CCAR2: variants seen among roughly 807,000 people sequenced by gnomAD.
CCAR2 encodes cell cycle and apoptosis regulator 2.
In CCAR2, 21 loss-of-function variants were observed where a neutral mutation model predicts 108.1. That is an observed-to-expected ratio of 0.19 (90% CI 0.14 to 0.28). The LOEUF (loss-of-function observed/expected upper bound fraction) is 0.28, where lower values mean the gene tolerates loss of function less well. CCAR2 is among the 10% of genes least tolerant of loss of function. CCAR2 has a pLI of 1.00. For synonymous variants in CCAR2, 577 were observed against 472.8 expected, an observed-to-expected ratio of 1.22 and a Z score of -2.86; for missense variants, 1,126 against 1,177.0, an observed-to-expected ratio of 0.96 and a Z score of 0.63.
rs986345172 is a variant in CCAR2, at chr8:22,619,742, C to T, written c.*60C>T. ...GCGGTGGCGCCCGGCAAAGTTGGAG[C>T]CCTTGCGGTACCAGAAAGCAGCGAG... On this transcript the variant is annotated 3_prime_UTR_variant, in exon 21 of 21. Coordinates refer to ENST00000308511, the MANE Select transcript of CCAR2 (RefSeq NM_001393997.1). 3 of 1,525,478 alleles carry T rather than the reference C, an allele frequency of 2.0e-6. No individual in the cohort carries two copies. Among genetic ancestry groups the T allele is most frequent in the African/African-American group, 1.4e-5 (1 of 72,654 alleles). The allele number at this position is 1,525,478 out of a possible 1,614,324, so 94.5% of individuals were successfully genotyped here.
rs11555543 is a variant in CCAR2, at chr8:22,604,833, T to G, written c.-48T>G. ...CTTTGTCCCCCCGGTGTCGCTGCCC[T>G]GGCCCGCAGGTGGGTTGGGGGGCCC... On this transcript the variant is annotated 5_prime_UTR_variant, in exon 1 of 21. Coordinates refer to ENST00000308511, the MANE Select transcript of CCAR2 (RefSeq NM_001393997.1). 0.027 allele frequency: 12,187 copies of G among 454,258 alleles called. 281 individuals carry two copies. Among genetic ancestry groups the G allele is most frequent in the Non-Finnish European group, 0.035 (8,022 of 226,496 alleles). 28.1% of individuals were successfully genotyped at this position (454,258 alleles called of 1,614,324 possible). A position where few individuals can be genotyped will look rare whatever the true frequency, so the allele number is the denominator to read the frequency against.
rs201630918 is a variant in CCAR2 at position 22,619,363 on chromosome 8, G to T, written c.2727+8G>T. ...CAGCGGGTGGTGGAAAAGGTAAGGT[G>T]GGGGTGGACCAGGAGGCAGCACAGC... On this transcript the variant is annotated splice_region_variant and intron_variant, in intron 20 of 20. Coordinates refer to ENST00000308511, the MANE Select transcript of CCAR2 (RefSeq NM_001393997.1). 31 of 1,554,482 alleles carry T rather than the reference G, an allele frequency of 2.0e-5. No homozygotes were observed. In the Admixed American group the frequency reaches 5.0e-4, roughly 25 times the overall value.
intron 6 of CCAR2, among the ~76,000 whole-genome samples, chr8:22,607,700 C>T (rs1226435939): frequency 6.6e-6 from 1 of 151,856 alleles, no homozygotes; most frequent in South Asian, 2.1e-4. Flanking sequence ...TCTCGGCTCA[C>T]TGCAAGCTCC....
At chr8:22,613,438 C>T (rs1238274813) in intron 8 of CCAR2, among the ~76,000 whole-genome samples, 1 of 149,588 alleles carries the variant, frequency 6.7e-6, no homozygotes, top group African/African-American at 2.5e-5. Context: ...TCTCCATTTG[C>T]ACTCTATCCT....
At position 22,618,441 on chromosome 8, in the gene CCAR2, G is replaced by C. The variant is rs200087292; in HGVS notation, c.2166G>C (p.Arg722=). 2 of 1,614,224 alleles carry C rather than the reference G, an allele frequency of 1.2e-6. No homozygotes were observed. Among genetic ancestry groups the C allele is most frequent in the Non-Finnish European group, 1.7e-6 (2 of 1,180,052 alleles). ...CCAACTGGTGTGGCTACTTGCACCG[G>C]CGAGACTTAGAGAGGATCCTCCTTA... ...FDANWCGYLH[R]RDLERILLTL... Residue 722 remains arginine, a synonymous_variant, in exon 17 of 21, where the codon CGG becomes CGC. Coordinates refer to ENST00000308511, the MANE Select transcript of CCAR2 (RefSeq NM_001393997.1).
In CCAR2 at chr8:22,615,829, G is replaced by C. The variant is rs746760715; in HGVS notation, c.1525G>C (p.Val509Leu). The change falls in exon 13 of 21, where the codon GTC (valine) becomes CTC (leucine). Residue 509 changes from valine (V) to leucine (L), a missense_variant. By Grantham distance (32) the Val-to-Leu change is conservative. This residue lies in a region of CCAR2 where 1,013 missense variants were observed against 993.9 expected (regional missense o/e 1.02). Transcript: ENST00000308511. ...EAPPPPLEPA[V>L]IARPGCVNLS... ...CCCTCCACCCCCCCTAGAACCTGCT[G>C]TCATCGCACGCCCTGGCTGTGTAAA... The C allele has an allele frequency of 1.2e-6, 2 of 1,613,986 alleles. No individual in the cohort carries two copies. Among genetic ancestry groups the C allele is most frequent in the South Asian group, 2.2e-5 (2 of 91,076 alleles).
At chr8:22,618,076 G>A (rs76172628) in intron 16 of CCAR2, 3 of 594,004 alleles carry the variant, frequency 5.1e-6, no homozygotes, top group Admixed American at 6.0e-5. Context: ...ATCAGGCAAG[G>A]TGCTTGATGT....
In CCAR2 at chr8:22,605,804, C is replaced by G. The variant is rs745901830; in HGVS notation, c.31C>G (p.Pro11Ala). MSQFKRQRIN[P>A]LPGGRNFSGT... ...CCAGTTTAAGCGCCAGCGGATCAAC[C>G]CGCTTCCAGGGGGACGCAACTTCTC... is the stretch of plus-strand genomic sequence containing the variant. Residue 11 changes from proline to alanine, a missense_variant, in exon 2 of 21, where the codon CCG (proline) becomes GCG (alanine). This residue lies in a region of CCAR2 where 52 missense variants were observed against 63.7 expected (regional missense o/e 0.82). Coordinates refer to ENST00000308511, the MANE Select transcript of CCAR2 (RefSeq NM_001393997.1). 1 of 1,614,082 alleles carries G rather than the reference C, an allele frequency of 6.2e-7. No individual in the cohort carries two copies.
At position 22,606,105 on chromosome 8, in the gene CCAR2, C is replaced by T; in HGVS notation, c.79C>T (p.Leu27=). ...NFSGTASTSL[L]GPPPGLLTPP... is the part of the protein sequence containing the mutation. ...CATAGGCACAGCTTCAACATCTCTT[C>T]TGGGCCCTCCTCCTGGTTTGCTCAC... The change falls in exon 3 of 21, where the codon CTG becomes TTG. Residue 27 remains leucine (L), a synonymous_variant. Transcript: ENST00000308511. 2 of 1,614,134 alleles carry T rather than the reference C, an allele frequency of 1.2e-6. No individual in the cohort carries two copies. Among genetic ancestry groups the T allele is most frequent in the Middle Eastern group, 1.6e-4 (1 of 6,062 alleles).
At chr8:22,610,501 C>T (rs576082156) in intron 7 of CCAR2, among the ~76,000 whole-genome samples, 2 of 152,328 alleles carry the variant, frequency 1.3e-5, no homozygotes, top group South Asian at 2.1e-4. Flanking sequence ...CAGTGTACAG[C>T]GTTGAGTGGA....
Position 22,618,490 on chromosome 8 carries a change from G to A in CCAR2, c.2215G>A (p.Glu739Lys). 2 of 1,614,216 alleles carry A rather than the reference G, an allele frequency of 1.2e-6. No individual in the cohort carries two copies. The highest frequency in any genetic ancestry group is 3.3e-5 in the Admixed American group (2 of 60,024). ...LLTLGIRLSAEQAKQLVSRVV... is the reference protein window; with the variant it reads ...LLTLGIRLSAKQAKQLVSRVV... Reference sequence around the variant, plus strand: ...TACCCTTGGGATCCGGCTCAGTGCAGAGCAGGTACCTTCTTTCCTCTGCCC... The same window carrying A: ...TACCCTTGGGATCCGGCTCAGTGCAAAGCAGGTACCTTCTTTCCTCTGCCC... The change falls in exon 17 of 21, where the codon GAG becomes AAG. Residue 739 changes from glutamate (E) to lysine (K), a missense_variant. This residue lies in a region of CCAR2 where 1,013 missense variants were observed against 993.9 expected (regional missense o/e 1.02). Transcript: ENST00000308511.
intron 3 of CCAR2, 57 bp from the exon 4 acceptor site, chr8:22,606,550 G>C (rs1458315324): frequency 7.3e-7 from 1 of 1,375,540 alleles, no homozygotes; most frequent in East Asian, 2.3e-5. Context: ...TCATGGCAGA[G>C]TGTGATTTTG....
Position 22,607,030 on chromosome 8 carries a change from C to A in CCAR2, c.357+6C>A. ...TGCAAACGCTCTCCAACCAGGTATTCATATCTCCTTAGCATGTGCATTGGA... is the reference window on the plus strand; with the variant it reads ...TGCAAACGCTCTCCAACCAGGTATTAATATCTCCTTAGCATGTGCATTGGA... On this transcript the variant is annotated splice_donor_region_variant and intron_variant, in intron 5 of 20. Coordinates refer to ENST00000308511, the MANE Select transcript of CCAR2 (RefSeq NM_001393997.1). 6.2e-7 allele frequency: 1 copy of A among 1,613,644 alleles called. No homozygotes were observed. Among genetic ancestry groups the A allele is most frequent in the South Asian group, 1.1e-5 (1 of 90,998 alleles).
In CCAR2 at chr8:22,616,003, C is replaced by A. The variant is rs1037492461; in HGVS notation, c.1609-9C>A. On this transcript the variant is annotated splice_polypyrimidine_tract_variant and intron_variant, in intron 13 of 20. Transcript: ENST00000308511. ...CTGATGCTCATGGACCCTCCCACCT[C>A]CCCATCAGGTGATGGTGCTGGCCGA... 1.9e-6 allele frequency: 3 copies of A among 1,613,734 alleles called. No homozygotes were observed. In the African/African-American group the frequency reaches 4.0e-5, roughly 22 times the overall value.
chr8:22,617,282 C>CATGAAATGAGACGGTATCTGTA, intron 14 of CCAR2, 138 bp from the exon 15 acceptor site: 1 of 984,370 alleles, frequency 1.0e-6, no homozygotes, highest in Non-Finnish European at 1.4e-6. Context: ...AAATTAAATA[C>CATGAAATGAGACGGTATCTGTA]ATGAAATGAG....
At chr8:22,615,396 A>AAGTT (rs750879454) in intron 11 of CCAR2, 29 bp from the exon 12 acceptor site, 11 of 1,603,530 alleles carry the variant, frequency 6.9e-6, no homozygotes, top group South Asian at 3.3e-5. Flanking sequence ...GTCACTAAAG[A>AAGTT]AGTTAGTACC....
At position 22,618,649 on chromosome 8, in the gene CCAR2, G is replaced by A. The variant is rs1208826351; in HGVS notation, c.2253G>A (p.Gln751=). The A allele has an allele frequency of 1.2e-6, 2 of 1,614,112 alleles. No homozygotes were observed. Among genetic ancestry groups the A allele is most frequent in the Non-Finnish European group, 1.7e-6 (2 of 1,180,042 alleles). Residue 751 remains glutamine, a synonymous_variant, in exon 18 of 21, where the codon CAG becomes CAA. Transcript: ENST00000308511. ...AGCTGGTCAGCAGGGTGGTGACCCA[G>A]AACATCTGCCAGTACCGGAGCCTTC... ...AKQLVSRVVT[Q]NICQYRSLQY...
chr8:22,616,514 T>TAA, intron 14 of CCAR2: 1 of 513,388 alleles, frequency 1.9e-6, no homozygotes, highest in Non-Finnish European at 3.5e-6. Flanking sequence ...GATTGCCTGA[T>TAA]GGTTAACTAG....
intron 16 of CCAR2, 68 bp downstream of exon 16, chr8:22,617,846 C>G: frequency 6.7e-7 from 1 of 1,501,790 alleles, no homozygotes; most frequent in Non-Finnish European, 9.2e-7. Flanking sequence ...CTGGCCCACT[C>G]CTGGGAGAAG....
Sources: gnomAD v4.1 joint callset for allele counts (sites outside exome capture counted in the v4.1 genomes callset) on GRCh38, gnomAD v4.1.1 for gene constraint, gnomAD v4.1.1 regional missense constraint, MANE v1.5 for transcripts, NCBI Gene and HGNC (gene_info 2026-07-23, HGNC 2026-07-21) for gene names.